Variants in SLC35F2 observed in about 807,000 individuals in gnomAD.
SLC35F2 encodes the protein queuine/queuosine transporter SLC35F2.
SLC35F2 carries 25 observed loss-of-function variants against 38.1 expected under a neutral mutation model. The observed-to-expected ratio is 0.66, with a 90% CI of 0.48 to 0.92. The LOEUF (loss-of-function observed/expected upper bound fraction) is 0.92, where lower values mean the gene tolerates loss of function less well. SLC35F2 is among the 40% of genes least tolerant of loss of function. SLC35F2 has a pLI of 0.00. For synonymous variants in SLC35F2, 173 were observed against 181.7 expected, an observed-to-expected ratio of 0.95 and a Z score of 0.38; for missense variants, 409 against 452.9, an observed-to-expected ratio of 0.90 and a Z score of 0.88.
Position 107,802,986 on chromosome 11 carries a change from G to T in SLC35F2, c.939+15C>A. ...CAAGCAAGTATTCTTATTTGAACGT[G>T]ATCTATTTGTTTACCTTATAGCCAA... On this transcript the variant is annotated intron_variant, in intron 7 of 7. Coordinates refer to ENST00000525815, the MANE Select transcript of SLC35F2 (RefSeq NM_017515.5). The T allele has an allele frequency of 6.3e-7, 1 of 1,593,418 alleles. No homozygotes were observed.
Position 107,830,183 on chromosome 11 carries a change from A to G in SLC35F2, c.111-14218T>C, listed in dbSNP as rs191582252. Among the ~76,000 whole-genome samples the G allele has an allele frequency of 1.9e-3, 289 of 152,306 alleles. 1 individual carries two copies. The highest frequency in any genetic ancestry group is 5.6e-3 in the African/African-American group (234 of 41,570). Reference sequence around the variant, plus strand: ...AATTTTAAAGAAAAGAAGCCTCTATATTAACATATATCCCAATTTGCTTTT... The same window carrying G: ...AATTTTAAAGAAAAGAAGCCTCTATGTTAACATATATCCCAATTTGCTTTT... On this transcript the variant is annotated intron_variant, in intron 1 of 7. Transcript: ENST00000525815.
chr11:107,802,867 G>T, intron 7 of SLC35F2, 134 bp downstream of exon 7: 2 of 823,008 alleles, frequency 2.4e-6, no homozygotes, highest in Non-Finnish European at 3.7e-6. Context: ...AAGCAGCAAA[G>T]GGAGGCCTGA....
chr11:107,833,710 GAGAC>G (rs1426245320), intron 1 of SLC35F2, among the ~76,000 whole-genome samples: 2 of 152,120 alleles, frequency 1.3e-5, no homozygotes, highest in Non-Finnish European at 2.9e-5. Flanking sequence ...GCCACACTCT[GAGAC>G]GAATTAAGAG....
chr11:107,820,170 G>A (rs941211996), intron 1 of SLC35F2, among the ~76,000 whole-genome samples: 1 of 151,380 alleles, frequency 6.6e-6, no homozygotes, highest in Admixed American at 6.6e-5. Flanking sequence ...GAGGAAAATC[G>A]CTTGAACCTG....
intron 1 of SLC35F2, among the ~76,000 whole-genome samples, chr11:107,817,292 GAAAAGAAAAA>G (rs1307578859): frequency 2.0e-5 from 3 of 148,718 alleles, no homozygotes; most frequent in East Asian, 2.0e-4. Context: ...AGGAAAGAAA[GAAAAGAAAAA>G]AAAAGAAAAG....
At chr11:107,809,752 C>A (rs1194564935) in intron 3 of SLC35F2, 1 of 981,690 alleles carries the variant, frequency 1.0e-6, no homozygotes. Context: ...ACAGACCCTG[C>A]GACATGGGTA....
chr11:107,811,877 AAG>A (rs1016172116), intron 2 of SLC35F2, 83 bp from the exon 3 acceptor site: 15 of 1,280,852 alleles, frequency 1.2e-5, no homozygotes, highest in Non-Finnish European at 1.6e-5. Flanking sequence ...GAGTAGAAGC[AAG>A]AGTTTCTTGT....
chr11:107,811,271 A>C, intron 3 of SLC35F2: 1 of 984,960 alleles, frequency 1.0e-6, no homozygotes, highest in Non-Finnish European at 1.2e-6. Context: ...GGTTTCTTCC[A>C]ATGGTTTCTT....
At chr11:107,851,901 T>A (rs77686062) in intron 1 of SLC35F2, among the ~76,000 whole-genome samples, 5,922 of 152,252 alleles carry the variant, frequency 0.039, 141 homozygotes, top group Non-Finnish European at 0.057. Context: ...AATAACACTA[T>A]AAACAATACC....
chr11:107,851,187 C>T (rs1013346301), intron 1 of SLC35F2, among the ~76,000 whole-genome samples: 1 of 151,452 alleles, frequency 6.6e-6, no homozygotes, highest in Admixed American at 6.6e-5. Flanking sequence ...CTCTTGAACC[C>T]GGGAGGCGGA....
chr11:107,824,107 A>G (rs1859718169), intron 1 of SLC35F2, among the ~76,000 whole-genome samples: 1 of 152,162 alleles, frequency 6.6e-6, no homozygotes, highest in Admixed American at 6.6e-5. Context: ...ATTGTGAAGA[A>G]CCTACATTCT....
chr11:107,802,883 G>A, intron 7 of SLC35F2, 118 bp downstream of exon 7: 1 of 1,020,932 alleles, frequency 9.8e-7, no homozygotes, highest in Non-Finnish European at 1.4e-6. Context: ...CCTGACCAAT[G>A]AAATTCTTGC....
At chr11:107,803,588 A>G (rs563895979) in intron 6 of SLC35F2, 124 of 783,810 alleles carry the variant, frequency 1.6e-4, no homozygotes, top group Non-Finnish European at 1.8e-4. Context: ...TGGATTCAGA[A>G]TAAAGTATCT....
chr11:107,797,380 G>A (rs1037659080), intron 7 of SLC35F2, among the ~76,000 whole-genome samples: 1 of 133,680 alleles, frequency 7.5e-6, no homozygotes, highest in Non-Finnish European at 1.6e-5. Flanking sequence ...GAGTGAGACA[G>A]AGAGAGAAGA....
chr11:107,851,120 G>A (rs892289099), intron 1 of SLC35F2, among the ~76,000 whole-genome samples: 5 of 151,910 alleles, frequency 3.3e-5, no homozygotes, highest in Non-Finnish European at 7.4e-5. Context: ...AAAATTAGCC[G>A]GGAGTGGTGG....
chr11:107,793,432 G>C (rs995379624), intron 7 of SLC35F2, among the ~76,000 whole-genome samples: 1 of 152,014 alleles, frequency 6.6e-6, no homozygotes, highest in African/African-American at 2.4e-5. Flanking sequence ...AAAATAAAAG[G>C]TCATCATGGA....
intron 7 of SLC35F2, among the ~76,000 whole-genome samples, chr11:107,800,014 G>A (rs913394482): frequency 2.0e-5 from 3 of 151,062 alleles, no homozygotes; most frequent in African/African-American, 7.3e-5. Flanking sequence ...TCAGCCTCCT[G>A]AGCAGCTGGG....
intron 1 of SLC35F2, among the ~76,000 whole-genome samples, chr11:107,829,677 C>CAAAAAAAAAAAAAA (rs59625402): frequency 5.7e-5 from 5 of 87,304 alleles, no homozygotes; most frequent in Non-Finnish European, 7.9e-5. Flanking sequence ...TGAAATCTCA[C>CAAAAAAAAAAAAAA]AAAAAAAAAA....
At chr11:107,834,813 TTA>T (rs1296538249) in intron 1 of SLC35F2, among the ~76,000 whole-genome samples, 1 of 152,198 alleles carries the variant, frequency 6.6e-6, no homozygotes, top group Non-Finnish European at 1.5e-5. Context: ...TCCATACATT[TTA>T]TAATACATAA....
Sources: gnomAD v4.1 joint callset for allele counts (sites outside exome capture counted in the v4.1 genomes callset) on GRCh38, gnomAD v4.1.1 for gene constraint, MANE v1.5 for transcripts, NCBI Gene and HGNC (gene_info 2026-07-23, HGNC 2026-07-21) for gene names.